ANK3: variants seen among roughly 807,000 people sequenced by gnomAD.
The protein encoded by ANK3 is ankyrin-3.
A neutral mutation model predicts 370.9 loss-of-function variants in ANK3; 57 were observed. The observed-to-expected ratio is 0.15, with a 90% confidence interval of 0.12 to 0.19. The LOEUF (loss-of-function observed/expected upper bound fraction) is 0.19, where lower values mean the gene tolerates loss of function less well. ANK3 is among the 10% of genes least tolerant of loss of function. The probability of loss-of-function intolerance (pLI) is 1.00; values close to 1 mark genes in which losing one functional copy is unlikely to be tolerated. For missense variants in ANK3, 4,439 were observed against 5,302.1 expected (o/e 0.84, Z 5.06); for synonymous variants, 1,929 against 1,946.3 (o/e 0.99, Z 0.23).
chr10:60,165,844 A>C (rs1364543575), intron 23 of ANK3, among the ~76,000 whole-genome samples: 1 of 152,004 alleles, frequency 6.6e-6, no homozygotes, highest in Non-Finnish European at 1.5e-5. Flanking sequence ...GTTAAATATA[A>C]TTTTCCCATG....
At chr10:60,152,543 C>T (rs907356203) in intron 23 of ANK3, among the ~76,000 whole-genome samples, 4 of 152,096 alleles carry the variant, frequency 2.6e-5, no homozygotes, top group African/African-American at 9.7e-5. Flanking sequence ...CCATATCACA[C>T]AGGACTTACT....
intron 28 of ANK3, among the ~76,000 whole-genome samples, chr10:60,090,962 T>C (rs1049070890): frequency 6.6e-6 from 1 of 152,158 alleles, no homozygotes; most frequent in Non-Finnish European, 1.5e-5. Flanking sequence ...ACGAGTGCAA[T>C]GGCACGATCT....
intron 1 of ANK3, among the ~76,000 whole-genome samples, chr10:60,635,183 AC>A (rs2078536884): frequency 6.6e-6 from 1 of 151,770 alleles, no homozygotes. Flanking sequence ...TCCTATCTAC[AC>A]CTCCAGATAT....
At chr10:60,232,233 G>C (rs1379412074) in intron 8 of ANK3, among the ~76,000 whole-genome samples, 1 of 152,128 alleles carries the variant, frequency 6.6e-6, no homozygotes, top group Non-Finnish European at 1.5e-5. Flanking sequence ...TCACCAGAGA[G>C]AGAAATAAGG....
At chr10:60,430,182 A>G (rs2063983643) in intron 2 of ANK3, among the ~76,000 whole-genome samples, 2 of 152,228 alleles carry the variant, frequency 1.3e-5, no homozygotes, top group African/African-American at 4.8e-5. Flanking sequence ...TAGATGGCTC[A>G]TAGGCTTGGA....
intron 25 of ANK3, among the ~76,000 whole-genome samples, chr10:60,118,892 T>C (rs1359492854): frequency 6.6e-6 from 1 of 152,216 alleles, no homozygotes; most frequent in Non-Finnish European, 1.5e-5. Flanking sequence ...ACTGCAATCA[T>C]GTAATATTTA....
rs528733016 is a variant in ANK3 at position 60,133,970 on chromosome 10, A to G, written c.2841+301T>C. Reference sequence around the variant, plus strand: ...ATACCAGCAACTTCAGCTACCAATGATTATTAACTCTCCTTTTAAAAAACT... The same window carrying G: ...ATACCAGCAACTTCAGCTACCAATGGTTATTAACTCTCCTTTTAAAAAACT... On this transcript the variant is annotated intron_variant, in intron 25 of 43. Coordinates refer to ENST00000280772, the MANE Select transcript of ANK3 (RefSeq NM_020987.5). 3.9e-5 allele frequency among the ~76,000 whole-genome samples: 6 copies of G among 152,288 alleles called. No individual in the cohort carries two copies. In the South Asian group the frequency reaches 1.2e-3, roughly 32 times the overall value.
intron 1 of ANK3, among the ~76,000 whole-genome samples, chr10:60,381,848 T>A (rs1417232632): frequency 6.6e-6 from 1 of 152,152 alleles, no homozygotes; most frequent in African/African-American, 2.4e-5. Flanking sequence ...ACACAGCTAA[T>A]TAGTAGCAGC....
At chr10:60,483,570 T>C (rs1026043788) in intron 2 of ANK3, among the ~76,000 whole-genome samples, 1 of 152,262 alleles carries the variant, frequency 6.6e-6, no homozygotes, top group Non-Finnish European at 1.5e-5. Flanking sequence ...GCTCTTTTTG[T>C]ATGCTTAGGA....
chr10:60,414,823 C>T (rs1489554810), intron 2 of ANK3, among the ~76,000 whole-genome samples: 1 of 152,174 alleles, frequency 6.6e-6, no homozygotes, highest in African/African-American at 2.4e-5. Context: ...GCAGCATTTG[C>T]CAAAGCAGTA....
intron 1 of ANK3, among the ~76,000 whole-genome samples, chr10:60,353,498 AC>A (rs1249625948): frequency 6.6e-6 from 1 of 152,162 alleles, no homozygotes; most frequent in East Asian, 1.9e-4. Context: ...ATTTCCTGCC[AC>A]ACAATCTTCC....
At chr10:60,664,820 T>C (rs1022916775) in intron 1 of ANK3, among the ~76,000 whole-genome samples, 3 of 152,232 alleles carry the variant, frequency 2.0e-5, no homozygotes, top group African/African-American at 7.2e-5. Flanking sequence ...TGAATGAAGT[T>C]GAAATATTTT....
chr10:60,458,338 T>C (rs2064800858), intron 2 of ANK3, among the ~76,000 whole-genome samples: 2 of 152,056 alleles, frequency 1.3e-5, no homozygotes, highest in Admixed American at 6.6e-5. Flanking sequence ...CATAATTCCA[T>C]TTACAGGAAG....
chr10:60,633,855 C>T (rs187830761), intron 1 of ANK3, among the ~76,000 whole-genome samples: 1 of 152,120 alleles, frequency 6.6e-6, no homozygotes, highest in South Asian at 2.1e-4. Context: ...TGAAAATCCA[C>T]GCTTGCCACT....
intron 1 of ANK3, among the ~76,000 whole-genome samples, chr10:60,695,422 C>T (rs2079431708): frequency 6.6e-6 from 1 of 152,164 alleles, no homozygotes; most frequent in African/African-American, 2.4e-5. Flanking sequence ...CTACAGAACT[C>T]TCCACCCCAA....
intron 9 of ANK3, among the ~76,000 whole-genome samples, chr10:60,211,499 G>A (rs1384139706): frequency 6.6e-6 from 1 of 152,102 alleles, no homozygotes; most frequent in Admixed American, 6.6e-5. Flanking sequence ...TCTATGAAAA[G>A]GGAATAACAG....
intron 1 of ANK3, among the ~76,000 whole-genome samples, chr10:60,317,575 G>A (rs1402698444): frequency 6.6e-6 from 1 of 152,008 alleles, no homozygotes; most frequent in Non-Finnish European, 1.5e-5. Context: ...TATGAAATTT[G>A]ACTTAATGCC....
chr10:60,185,142 G>T (rs1230628002), intron 17 of ANK3, among the ~76,000 whole-genome samples: 1 of 151,728 alleles, frequency 6.6e-6, no homozygotes, highest in South Asian at 2.1e-4. Context: ...TGTTTAACAA[G>T]AAAAAAATAA....
rs1381019086 is a variant in ANK3, at chr10:60,131,825, A to ATGG, written c.2841+2443_2841+2445dup. Among the ~76,000 whole-genome samples, 5 of 152,172 alleles carry ATGG rather than the reference A, an allele frequency of 3.3e-5. No homozygotes were observed. The South Asian group carries it at 6.2e-4, about 19-fold the overall frequency. ...CAGTGATGATGGTAAGGTCATGGTGATGGTGGTGGTGGTTCCAATTTCGGG... is the reference window on the plus strand; with the variant it reads ...CAGTGATGATGGTAAGGTCATGGTGATGGTGGTGGTGGTGGTTCCAATTTCGGG... On this transcript the variant is annotated intron_variant, in intron 25 of 43. Transcript: ENST00000280772.
Sources: allele counts gnomAD v4.1 joint callset (sites outside exome capture counted in the v4.1 genomes callset), GRCh38; gene constraint gnomAD v4.1.1; transcripts MANE v1.5; gene names NCBI Gene and HGNC (gene_info 2026-07-23, HGNC 2026-07-21).